Variants in TECPR2 observed in about 807,000 individuals in gnomAD.
TECPR2 encodes the protein tectonin beta-propeller repeat-containing protein 2.
TECPR2 carries 65 observed loss-of-function variants against 138.1 expected under a neutral mutation model. The observed-to-expected ratio is 0.47, with a 90% CI of 0.39 to 0.58. TECPR2 has a LOEUF of 0.58. Among genes scored for constraint, TECPR2 ranks in the 20% least tolerant of loss-of-function variants. The pLI, the probability that TECPR2 is intolerant of heterozygous loss-of-function variation, is 0.00. For synonymous variants in TECPR2, 746 were observed against 749.8 expected (o/e 0.99, Z 0.08); for missense variants, 1,553 against 1,824.5 (o/e 0.85, Z 2.71).
chr14:102,440,920 A>T (rs1376185578), intron 11 of TECPR2, among the ~76,000 whole-genome samples: 1 of 152,348 alleles, frequency 6.6e-6, no homozygotes, highest in Middle Eastern at 3.4e-3. Flanking sequence ...TTAGATCTTA[A>T]GAGGTAAGAA....
chr14:102,432,928 T>C (rs149057879), intron 8 of TECPR2, among the ~76,000 whole-genome samples: 6,302 of 145,932 alleles, frequency 0.043, 157 homozygotes, highest in Middle Eastern at 0.099. Context: ...CACTTGAACC[T>C]GGGAGGCAGA....
intron 17 of TECPR2, among the ~76,000 whole-genome samples, chr14:102,475,415 C>T (rs184833614): frequency 6.6e-6 from 1 of 152,190 alleles, no homozygotes; most frequent in Admixed American, 6.5e-5. Context: ...CTGGTCAGAC[C>T]ATGTTTGAGG....
chr14:102,397,825 C>T (rs1425474580), intron 2 of TECPR2, among the ~76,000 whole-genome samples: 1 of 151,272 alleles, frequency 6.6e-6, no homozygotes, highest in African/African-American at 2.4e-5. Context: ...CGCCTGTAAT[C>T]CCAGCATTTT....
chr14:102,420,163 C>T lies in TECPR2; in HGVS notation c.639-4816C>T, dbSNP rs993307900. On this transcript the variant is annotated intron_variant, in intron 5 of 19. Transcript: ENST00000359520. The surrounding 1 kb of genome is among the most constrained non-coding windows in gnomAD (Gnocchi z 4.1). ...TAGCTAGAATTTGTTAGCCAGAACACACTCCTTACATATCAACGTGGTCTA... is the reference window on the plus strand; with the variant it reads ...TAGCTAGAATTTGTTAGCCAGAACATACTCCTTACATATCAACGTGGTCTA... Among the ~76,000 whole-genome samples, 2 of 152,210 alleles carry T rather than the reference C, an allele frequency of 1.3e-5. No homozygotes were observed. The highest frequency in any genetic ancestry group is 1.3e-4 in the Admixed American group (2 of 15,280).
chr14:102,482,845 T>C (rs1029919710), intron 17 of TECPR2, among the ~76,000 whole-genome samples: 81 of 140,992 alleles, frequency 5.7e-4, no homozygotes, highest in Admixed American at 1.3e-3. Context: ...TTTCTTTTTT[T>C]TTTTTTTTTT....
chr14:102,425,686 C>T (rs562301877), intron 6 of TECPR2, among the ~76,000 whole-genome samples: 1 of 151,978 alleles, frequency 6.6e-6, no homozygotes, highest in South Asian at 2.1e-4. Flanking sequence ...AGCGATTCTC[C>T]TGCCTCAGCC....
chr14:102,484,227 G>A (rs1890969112), intron 17 of TECPR2, among the ~76,000 whole-genome samples: 1 of 152,088 alleles, frequency 6.6e-6, no homozygotes, highest in Non-Finnish European at 1.5e-5. Context: ...CCAACCCTCT[G>A]TCAGATTATT....
Position 102,437,750 on chromosome 14 carries a change from C to T in TECPR2, c.2395-272C>T, listed in dbSNP as rs148853421. Among the ~76,000 whole-genome samples, 95 of 152,120 alleles carry T rather than the reference C, an allele frequency of 6.2e-4. 2 individuals carry two copies. The East Asian group carries it at 0.017, about 27-fold the overall frequency. ...TCGTAACGTGATGTGATGCTCTAAG[C>T]GTTACATTTGCAAAGGTGTTAGAAC... On this transcript the variant is annotated intron_variant, in intron 9 of 19. Transcript: ENST00000359520.
At chr14:102,432,451 G>A (rs541894210) in intron 8 of TECPR2, among the ~76,000 whole-genome samples, 99 of 151,914 alleles carry the variant, frequency 6.5e-4, no homozygotes, top group South Asian at 1.5e-3. Context: ...ACAGAGTTTC[G>A]CTCGTCGCCC....
At chr14:102,403,084 C>G (rs1888539347) in intron 2 of TECPR2, among the ~76,000 whole-genome samples, 1 of 152,056 alleles carries the variant, frequency 6.6e-6, no homozygotes, top group South Asian at 2.1e-4. Context: ...AAGATAACCA[C>G]AAGAAAAATA....
intron 2 of TECPR2, among the ~76,000 whole-genome samples, chr14:102,387,451 T>C (rs1382205687): frequency 2.0e-5 from 3 of 152,202 alleles, no homozygotes; most frequent in African/African-American, 7.2e-5. Flanking sequence ...ATGTTCTGTT[T>C]TGAAGTTAAA....
At chr14:102,363,677 G>A (rs1434314831) in intron 1 of TECPR2, among the ~76,000 whole-genome samples, 1 of 152,260 alleles carries the variant, frequency 6.6e-6, no homozygotes, top group African/African-American at 2.4e-5. Flanking sequence ...GTGTCCTGGA[G>A]TCAGAGCCGG....
intron 17 of TECPR2, among the ~76,000 whole-genome samples, chr14:102,470,285 A>G (rs1290946278): frequency 1.3e-5 from 2 of 149,578 alleles, no homozygotes; most frequent in African/African-American, 4.9e-5. Context: ...CAATCTCTTT[A>G]TTCATTATAG....
intron 2 of TECPR2, among the ~76,000 whole-genome samples, chr14:102,385,485 C>T (rs944517886): frequency 2.0e-5 from 3 of 152,108 alleles, no homozygotes; most frequent in South Asian, 2.1e-4. Context: ...GAACAGCATC[C>T]ACAGGCTCTA....
At chr14:102,370,174 C>T (rs536627166) in intron 1 of TECPR2, among the ~76,000 whole-genome samples, 5 of 151,940 alleles carry the variant, frequency 3.3e-5, no homozygotes, top group Non-Finnish European at 7.4e-5. Flanking sequence ...TGGGTTCAAG[C>T]GATTCTCCTG....
intron 5 of TECPR2, among the ~76,000 whole-genome samples, chr14:102,423,388 G>A (rs956187597): frequency 9.2e-5 from 14 of 151,522 alleles, no homozygotes; most frequent in African/African-American, 3.4e-4. Flanking sequence ...ATTGAGCCCA[G>A]ATTGCGCCAT....
At position 102,465,123 on chromosome 14, in the gene TECPR2, A is replaced by G. The variant is rs1295290886; in HGVS notation, c.3641-18A>G. 2 of 1,613,724 alleles carry G rather than the reference A, an allele frequency of 1.2e-6. No homozygotes were observed. Among genetic ancestry groups the G allele is most frequent in the Non-Finnish European group, 1.7e-6 (2 of 1,179,708 alleles). On this transcript the variant is annotated intron_variant, in intron 16 of 19. Coordinates refer to ENST00000359520, the MANE Select transcript of TECPR2 (RefSeq NM_014844.5). ...GTACAAAAGTAATTATAGTGTGTGT[A>G]CTTTTCTTTATCTACAGGAGCTGTA...
At chr14:102,456,179 G>A (rs562509374) in intron 16 of TECPR2, among the ~76,000 whole-genome samples, 1 of 152,322 alleles carries the variant, frequency 6.6e-6, no homozygotes, top group South Asian at 2.1e-4. Flanking sequence ...GCTGTGACAC[G>A]TCTTGCTTGG....
At chr14:102,365,918 T>A (rs1035383027) in intron 1 of TECPR2, among the ~76,000 whole-genome samples, 5 of 152,210 alleles carry the variant, frequency 3.3e-5, no homozygotes, top group African/African-American at 1.2e-4. Flanking sequence ...GGAAGATAAA[T>A]GACTGCCTCA....
Sources: gnomAD v4.1 joint callset for allele counts (sites outside exome capture counted in the v4.1 genomes callset) on GRCh38, gnomAD v4.1.1 for gene constraint, Gnocchi (gnomAD v3.1) non-coding constraint, MANE v1.5 for transcripts, NCBI Gene and HGNC (gene_info 2026-07-23, HGNC 2026-07-21) for gene names.